Variants in PAICS observed in about 807,000 individuals in gnomAD.
The protein encoded by PAICS is bifunctional phosphoribosylaminoimidazole carboxylase/phosphoribosylaminoimidazole succinocarboxamide synthetase.
PAICS carries 33 observed loss-of-function variants against 53.7 expected under a neutral mutation model. The observed-to-expected ratio is 0.61, with a 90% CI of 0.47 to 0.82. The LOEUF is 0.82. Among genes scored for constraint, PAICS ranks in the 40% least tolerant of loss-of-function variants. The probability of loss-of-function intolerance (pLI) is 0.00; values close to 1 mark genes in which losing one functional copy is unlikely to be tolerated. For synonymous variants in PAICS, 141 were observed against 167.2 expected (o/e 0.84, Z 1.21); for missense variants, 394 against 494.1 (o/e 0.80, Z 1.92).
chr4:56,459,075 G>A (rs1047281839), intron 8 of PAICS, among the ~76,000 whole-genome samples: 1 of 152,186 alleles, frequency 6.6e-6, no homozygotes, highest in African/African-American at 2.4e-5. Flanking sequence ...GATAGTGTAT[G>A]TGAACAGAAG....
At chr4:56,454,769 TA>T (rs1259263031) in intron 8 of PAICS, among the ~76,000 whole-genome samples, 2 of 152,308 alleles carry the variant, frequency 1.3e-5, no homozygotes, top group African/African-American at 4.8e-5. Flanking sequence ...CAAGTTTAGA[TA>T]TTTTTTTCCC....
chr4:56,421,028 G>A, the PAICS span: 1 of 152,212 alleles, frequency 6.6e-6, no homozygotes, highest in Non-Finnish European at 1.5e-5. Flanking sequence ...AGCAGGAGGT[G>A]AGTGGTGGGC....
At chr4:56,442,021 C>T in intron 2 of PAICS, 161 bp downstream of exon 2, 1 of 544,426 alleles carries the variant, frequency 1.8e-6, no homozygotes, top group Non-Finnish European at 3.3e-6. Flanking sequence ...ACTATAACAC[C>T]TTATTTGGTT....
chr4:56,445,401 A>C (rs1443254159), intron 2 of PAICS, among the ~76,000 whole-genome samples: 1 of 152,140 alleles, frequency 6.6e-6, no homozygotes, highest in East Asian at 1.9e-4. Context: ...TTCCTGACCA[A>C]CATGATGAAA....
the PAICS span, chr4:56,419,663 A>C: frequency 1.0e-6 from 1 of 983,990 alleles, no homozygotes; most frequent in Non-Finnish European, 1.2e-6. Flanking sequence ...CTTTTATCCC[A>C]ACTGTAGCAA....
rs112629919 is a variant in PAICS, at chr4:56,448,597, GGTACAGATAAAACAA to G, written c.573+16_573+30del. 16,120 of 1,589,668 alleles carry G rather than the reference GGTACAGATAAAACAA, an allele frequency of 0.01. 1,234 individuals carry two copies. The African/African-American group carries it at 0.18, about 18-fold the overall frequency. ...AGAATTGTACACTGGTTGATATGAA[GGTACAGATAAAACAA>G]GTACAGATAAAACAACAGGATTTGA... On this transcript the variant is annotated splice_donor_variant and splice_donor_5th_base_variant and intron_variant, in intron 4 of 8. Coordinates refer to ENST00000512576, the MANE Select transcript of PAICS (RefSeq NM_001079524.2). LOFTEE classifies it high-confidence loss of function.
At chr4:56,436,483 C>T (rs1417828237) in intron 1 of PAICS, 155 bp downstream of exon 1, 2 of 728,242 alleles carry the variant, frequency 2.7e-6, no homozygotes, top group Non-Finnish European at 5.1e-6. Flanking sequence ...GCTCCCGGGC[C>T]TCCCCGAACT....
At chr4:56,420,012 G>C in the PAICS span, 2 of 985,042 alleles carry the variant, frequency 2.0e-6, no homozygotes, top group Admixed American at 6.2e-5. Flanking sequence ...ACATGTCACA[G>C]AATGTGCCAA....
intron 5 of PAICS, among the ~76,000 whole-genome samples, chr4:56,449,208 A>G (rs149287439): frequency 1.1e-3 from 166 of 152,310 alleles, no homozygotes; most frequent in African/African-American, 3.6e-3. Flanking sequence ...CTGCTCCTAT[A>G]TAAAACAACA....
At chr4:56,451,743 GTC>G in intron 6 of PAICS, 127 bp from the exon 7 acceptor site, 2 of 501,038 alleles carry the variant, frequency 4.0e-6, no homozygotes, top group Non-Finnish European at 7.0e-6. Context: ...TTTGTTGTTT[GTC>G]TCTGTCTTAA....
At chr4:56,433,966 A>T (rs1017476820), upstream of PAICS, among the ~76,000 whole-genome samples, 2 of 152,208 alleles carry the variant, frequency 1.3e-5, no homozygotes, top group African/African-American at 4.8e-5. Flanking sequence ...CTGGGATTAC[A>T]GGCGTGAGCC....
intron 2 of PAICS, 52 bp downstream of exon 2, chr4:56,441,912 G>C: frequency 8.1e-7 from 1 of 1,238,978 alleles, no homozygotes; most frequent in Non-Finnish European, 1.1e-6. Flanking sequence ...TAAGCATGTC[G>C]ATGTCTTTCA....
At chr4:56,419,825 CAG>C in the PAICS span, 3 of 983,574 alleles carry the variant, frequency 3.1e-6, no homozygotes, top group South Asian at 4.7e-5. Context: ...TTGGAATAGA[CAG>C]AGACTGGAAA....
At chr4:56,437,261 GTGT>G (rs1718058880) in intron 1 of PAICS, among the ~76,000 whole-genome samples, 1 of 119,454 alleles carries the variant, frequency 8.4e-6, no homozygotes, top group Non-Finnish European at 1.7e-5. Flanking sequence ...ATGATGGTGT[GTGT>G]GTGTGTGTGT....
intron 7 of PAICS, 88 bp downstream of exon 7, chr4:56,452,140 A>C (rs1718951917): frequency 2.3e-6 from 2 of 852,346 alleles, no homozygotes; most frequent in Non-Finnish European, 3.6e-6. Flanking sequence ...CTGAAAAAAG[A>C]GCTTTGTCAG....
chr4:56,410,912 A>AAG, the PAICS span: 1 of 967,944 alleles, frequency 1.0e-6, no homozygotes, highest in Non-Finnish European at 1.2e-6. Context: ...AAAAAAAAAA[A>AAG]AAAAAAAAAA....
the PAICS span, among the ~76,000 whole-genome samples, chr4:56,425,637 C>CAG: frequency 6.6e-6 from 1 of 152,172 alleles, no homozygotes; most frequent in Non-Finnish European, 1.5e-5. Context: ...CTTCCAGAGA[C>CAG]AGAGGCATCT....
chr4:56,420,024 G>A, the PAICS span: 14 of 983,690 alleles, frequency 1.4e-5, no homozygotes, highest in Admixed American at 8.0e-4. Context: ...ATGTGCCAAC[G>A]TAAAAATGGG....
At chr4:56,435,533 A>T, upstream of PAICS, 1 of 1,610,816 alleles carries the variant, frequency 6.2e-7, no homozygotes, top group Non-Finnish European at 8.5e-7. Flanking sequence ...TGTAAGCACC[A>T]ACCAGCTGCC....
Sources: gnomAD v4.1 joint callset for allele counts (sites outside exome capture counted in the v4.1 genomes callset) on GRCh38, gnomAD v4.1.1 for gene constraint, MANE v1.5 for transcripts, NCBI Gene and HGNC (gene_info 2026-07-23, HGNC 2026-07-21) for gene names.